Variants in ABLIM1 observed in about 807,000 individuals in gnomAD.
ABLIM1 encodes the protein actin binding LIM protein 1.
In ABLIM1, 40 loss-of-function variants were observed where a neutral mutation model predicts 107.0. That is an observed-to-expected ratio of 0.37 (90% CI 0.29 to 0.49). The LOEUF (loss-of-function observed/expected upper bound fraction) is 0.49, where lower values mean the gene tolerates loss of function less well. Among genes scored for constraint, ABLIM1 ranks in the 20% least tolerant of loss-of-function variants. The pLI is 0.97. For synonymous variants in ABLIM1, 357 were observed against 357.3 expected, an observed-to-expected ratio of 1.00 and a Z score of 0.01; for missense variants, 857 against 1,008.5, an observed-to-expected ratio of 0.85 and a Z score of 2.04.
intron 1 of ABLIM1, among the ~76,000 whole-genome samples, chr10:114,712,647 C>T (rs955925026): frequency 2.0e-5 from 3 of 152,236 alleles, no homozygotes; most frequent in African/African-American, 7.2e-5. Context: ...GTGAGACATG[C>T]CTGCTAAGTG....
chr10:114,490,974 A>ATG (rs140256636), intron 7 of ABLIM1, among the ~76,000 whole-genome samples: 7 of 99,260 alleles, frequency 7.1e-5, no homozygotes, highest in Non-Finnish European at 9.5e-5. Flanking sequence ...CGGCATATAT[A>ATG]TGTGTGTGTG....
rs116503504 is a variant in ABLIM1, at chr10:114,470,922, T to C, written c.1275+2055A>G. The stretch of plus-strand genomic sequence containing the variant: ...GTTTTTGAGACAGGGTGTCACTCTA[T>C]CACCCAGGCCGGAGTACAATGGCAT... On this transcript the variant is annotated intron_variant, in intron 10 of 22. Coordinates refer to ENST00000533213, the MANE Select transcript of ABLIM1 (RefSeq NM_002313.7). 4.3e-3 allele frequency among the ~76,000 whole-genome samples: 650 copies of C among 152,290 alleles called. 4 individuals are homozygous for C. The highest frequency in any genetic ancestry group is 0.014 in the African/African-American group (600 of 41,544).
At chr10:114,800,912 A>C in the ABLIM1 span, among the ~76,000 whole-genome samples, 3 of 152,164 alleles carry the variant, frequency 2.0e-5, no homozygotes, top group Non-Finnish European at 4.4e-5. Flanking sequence ...CCAACTCAAT[A>C]AATAAAAAAC....
At chr10:114,637,035 T>TAAA (rs3061732) in intron 1 of ABLIM1, among the ~76,000 whole-genome samples, 88 of 104,006 alleles carry the variant, frequency 8.5e-4, no homozygotes, top group South Asian at 3.7e-3. Context: ...GCTGTCTCTT[T>TAAA]AAAAAAAAAA....
intron 1 of ABLIM1, among the ~76,000 whole-genome samples, chr10:114,638,622 TACACACACACACACACACACAC>T (rs59605861): frequency 2.1e-5 from 3 of 143,748 alleles, no homozygotes; most frequent in East Asian, 2.1e-4. Context: ...ATGCCCTGCC[TACACACACACACACACACACAC>T]ACACACACAC....
chr10:114,473,112 G>T lies in ABLIM1; in HGVS notation c.1140C>A (p.Ile380=), dbSNP rs373222946. 3.9e-4 allele frequency: 633 copies of T among 1,610,112 alleles called. No individual in the cohort carries two copies. Among genetic ancestry groups the T allele is most frequent in the Non-Finnish European group, 5.1e-4 (604 of 1,177,976 alleles). The change falls in exon 10 of 23, where the codon ATC becomes ATA. Residue 380 remains isoleucine, a synonymous_variant. Transcript: ENST00000533213. ...TGGCTGCTAAATCCTTGTAATCCAG[G>T]ATCTCATTGTCTACTTTTGCCTGGC... is the stretch of plus-strand genomic sequence containing the variant. ...HTIYAKVDNE[I]LDYKDLAAIP... is the part of the protein sequence containing the mutation.
rs953869005 is a variant in ABLIM1 at position 114,632,791 on chromosome 10, T to C, written c.244+25166A>G. On this transcript the variant is annotated intron_variant, in intron 1 of 22. Transcript: ENST00000533213. ...TAGACAAGCCCCTTGGATGTGCATA[T>C]ACCAGGGAGGAACTCCAGTCACAAT... 7 of 985,228 alleles carry C rather than the reference T, an allele frequency of 7.1e-6. No individual in the cohort carries two copies. In the African/African-American group the frequency reaches 1.0e-4, roughly 15 times the overall value. 61.0% of individuals were successfully genotyped at this position (985,228 alleles called of 1,614,324 possible). A position where few individuals can be genotyped will look rare whatever the true frequency, so the allele number is the denominator to read the frequency against.
At chr10:114,786,425 G>C in the ABLIM1 span, among the ~76,000 whole-genome samples, 1 of 152,184 alleles carries the variant, frequency 6.6e-6, no homozygotes. Flanking sequence ...ATAGTAAGTT[G>C]TATAAAAGAT....
rs1566067566 is a variant in ABLIM1 at position 114,601,964 on chromosome 10, G to A, written c.245-3C>T. 1 of 1,613,718 alleles carries A rather than the reference G, an allele frequency of 6.2e-7. No individual in the cohort carries two copies. The highest frequency in any genetic ancestry group is 2.2e-5 in the East Asian group (1 of 44,850). ...GTGAGGGTCCTGAGGGTGGGCCACT[G>A]AAAGAAAATCAACAAAAGATCCAGG... On this transcript the variant is annotated splice_polypyrimidine_tract_variant and splice_region_variant and intron_variant, in intron 1 of 22. Coordinates refer to ENST00000533213, the MANE Select transcript of ABLIM1 (RefSeq NM_002313.7).
intron 8 of ABLIM1, among the ~76,000 whole-genome samples, chr10:114,478,215 A>G (rs998963568): frequency 4.6e-5 from 7 of 152,226 alleles, no homozygotes; most frequent in African/African-American, 1.7e-4. Context: ...CAATTTGAAT[A>G]CACTTACCCC....
chr10:114,691,401 A>G (rs2141714408), intron 1 of ABLIM1, among the ~76,000 whole-genome samples: 1 of 152,328 alleles, frequency 6.6e-6, no homozygotes, highest in East Asian at 1.9e-4. Context: ...ATTTGCATAC[A>G]CAGCTAAGAA....
intron 1 of ABLIM1, among the ~76,000 whole-genome samples, chr10:114,615,158 A>ATAAT (rs2077052137): frequency 6.6e-6 from 1 of 152,194 alleles, no homozygotes; most frequent in Non-Finnish European, 1.5e-5. Flanking sequence ...CAACAACCAG[A>ATAAT]ATGATCTTTT....
At chr10:114,566,702 A>G (rs1229402255) in intron 4 of ABLIM1, among the ~76,000 whole-genome samples, 1 of 152,220 alleles carries the variant, frequency 6.6e-6, no homozygotes, top group East Asian at 1.9e-4. Context: ...ACAGTTTTAA[A>G]TAATTCAAGG....
intron 6 of ABLIM1, among the ~76,000 whole-genome samples, chr10:114,515,649 A>G (rs1310961878): frequency 1.3e-5 from 2 of 152,200 alleles, no homozygotes; most frequent in Admixed American, 1.3e-4. Flanking sequence ...CCAATACCTC[A>G]GGGTGTGACC....
chr10:114,517,002 T>G (rs1336274282), intron 6 of ABLIM1, among the ~76,000 whole-genome samples: 4 of 152,192 alleles, frequency 2.6e-5, no homozygotes, highest in African/African-American at 7.2e-5. Flanking sequence ...CGTTTTTTTT[T>G]GTTGTTGCTT....
intron 1 of ABLIM1, among the ~76,000 whole-genome samples, chr10:114,699,423 A>C (rs2081263530): frequency 6.6e-6 from 1 of 152,256 alleles, no homozygotes; most frequent in South Asian, 2.1e-4. Flanking sequence ...ATCAACTTAT[A>C]ATAAAAAAGA....
intron 21 of ABLIM1, 39 bp downstream of exon 21, chr10:114,439,137 C>T (rs765012284): frequency 1.2e-6 from 2 of 1,608,858 alleles, no homozygotes; most frequent in Non-Finnish European, 1.7e-6. Flanking sequence ...TAGGGTTACG[C>T]CATTCCCATA....
intron 4 of ABLIM1, among the ~76,000 whole-genome samples, chr10:114,557,779 G>A (rs1201488536): frequency 4.9e-5 from 7 of 141,962 alleles, no homozygotes; most frequent in Non-Finnish European, 1.1e-4. Flanking sequence ...ATGTAACAAG[G>A]CCCAAAAATA....
chr10:114,548,445 G>T (rs907466749), intron 4 of ABLIM1, among the ~76,000 whole-genome samples: 5 of 152,178 alleles, frequency 3.3e-5, no homozygotes, highest in African/African-American at 1.2e-4. Flanking sequence ...CTCCTCGTTG[G>T]CTAGCTATGT....
Sources: gnomAD v4.1 joint callset for allele counts (sites outside exome capture counted in the v4.1 genomes callset) on GRCh38, gnomAD v4.1.1 for gene constraint, MANE v1.5 for transcripts, NCBI Gene and HGNC (gene_info 2026-07-23, HGNC 2026-07-21) for gene names.